The following TTLL11 variants were observed in gnomAD, a reference collection of about 807,000 sequenced individuals.
The protein encoded by TTLL11 is tubulin tyrosine ligase like 11.
TTLL11 carries 42 observed loss-of-function variants against 51.7 expected under a neutral mutation model. The ratio of observed to expected loss-of-function variants is 0.81; its 90% CI spans 0.64 to 1.05. The LOEUF (loss-of-function observed/expected upper bound fraction) is 1.05. Ranked by LOEUF, TTLL11 falls within the 50% of genes least tolerant of loss-of-function variation. The pLI, the probability that TTLL11 is intolerant of heterozygous loss-of-function variation, is 0.00. For synonymous variants in TTLL11, 381 were observed against 383.5 expected (o/e 0.99, Z 0.08); for missense variants, 799 against 940.4 (o/e 0.85, Z 1.97).
chr9:121,899,370 T>TATATAC (rs1431975501), intron 6 of TTLL11, among the ~76,000 whole-genome samples: 209 of 69,964 alleles, frequency 3.0e-3, no homozygotes, highest in African/African-American at 9.0e-3. Context: ...TGTGTGTATA[T>TATATAC]ATATATACAT....
intron 6 of TTLL11, among the ~76,000 whole-genome samples, chr9:121,871,591 A>G (rs1180919284): frequency 6.6e-6 from 1 of 152,074 alleles, no homozygotes; most frequent in African/African-American, 2.4e-5. Flanking sequence ...CCATCCATAG[A>G]TCCATCCTTC....
chr9:121,985,079 G>C (rs1416462274), intron 4 of TTLL11, among the ~76,000 whole-genome samples: 1 of 152,166 alleles, frequency 6.6e-6, no homozygotes, highest in Non-Finnish European at 1.5e-5. Flanking sequence ...TTCCCAAGTA[G>C]TTATTGTGGC....
intron 6 of TTLL11, among the ~76,000 whole-genome samples, chr9:121,882,296 C>T (rs1422209683): frequency 6.6e-6 from 1 of 152,158 alleles, no homozygotes; most frequent in Non-Finnish European, 1.5e-5. Context: ...GCGCCCTGGC[C>T]TGGCAGAGCG....
intron 6 of TTLL11, among the ~76,000 whole-genome samples, chr9:121,942,748 T>C (rs897608156): frequency 1.4e-5 from 2 of 147,818 alleles, no homozygotes; most frequent in Non-Finnish European, 3.0e-5. Flanking sequence ...ATTTTTTTTT[T>C]TTTTTTTTTT....
intron 6 of TTLL11, among the ~76,000 whole-genome samples, chr9:121,916,968 A>G (rs1212093864): frequency 6.6e-6 from 1 of 152,128 alleles, no homozygotes; most frequent in Admixed American, 6.5e-5. Context: ...AACATATTAC[A>G]TTCTGTTTAG....
intron 8 of TTLL11, among the ~76,000 whole-genome samples, chr9:121,829,321 T>C (rs895265247): frequency 6.6e-6 from 1 of 152,024 alleles, no homozygotes; most frequent in Non-Finnish European, 1.5e-5. Flanking sequence ...ACAAAGCACA[T>C]GAATGGGCAA....
chr9:121,829,841 C>G (rs1836945081), intron 8 of TTLL11, among the ~76,000 whole-genome samples: 1 of 151,720 alleles, frequency 6.6e-6, no homozygotes, highest in Non-Finnish European at 1.5e-5. Flanking sequence ...TTTAAAAATA[C>G]CCCCAACCTA....
At chr9:121,887,884 C>T (rs1427414794) in intron 6 of TTLL11, among the ~76,000 whole-genome samples, 2 of 152,116 alleles carry the variant, frequency 1.3e-5, no homozygotes, top group African/African-American at 4.8e-5. Flanking sequence ...GCTTGGAAGT[C>T]AGGCCTGAAC....
intron 3 of TTLL11, among the ~76,000 whole-genome samples, chr9:121,990,533 C>T (rs1327858082): frequency 6.6e-6 from 1 of 152,174 alleles, no homozygotes; most frequent in Non-Finnish European, 1.5e-5. Context: ...GACTGAAGCC[C>T]TTGGACCTTC....
chr9:121,849,708 C>G (rs1463866481), intron 8 of TTLL11, among the ~76,000 whole-genome samples: 1 of 152,110 alleles, frequency 6.6e-6, no homozygotes, highest in African/African-American at 2.4e-5. Flanking sequence ...GCACTATATA[C>G]CTATCAAAAT....
Position 121,822,497 on chromosome 9 carries a change from C to T in TTLL11, c.*90G>A. The T allele has an allele frequency of 7.9e-7, 1 of 1,270,176 alleles. No homozygotes were observed. The highest frequency in any genetic ancestry group is 1.0e-6 in the Non-Finnish European group (1 of 958,492). The allele number at this position is 1,270,176 out of a possible 1,614,324, so 78.7% of individuals were successfully genotyped here. On this transcript the variant is annotated 3_prime_UTR_variant, in exon 9 of 9. Coordinates refer to ENST00000321582, the MANE Select transcript of TTLL11 (RefSeq NM_001139442.2). The surrounding 1 kb of genome is among the most constrained non-coding windows in gnomAD (Gnocchi z 5.8). ...CTCAGCTGGGCCCCTCGGCAGCCTG[C>T]CTGCCATTCCTCTGCAGGCAGAATG...
chr9:121,899,770 G>A (rs1003119627), intron 6 of TTLL11, among the ~76,000 whole-genome samples: 2 of 151,986 alleles, frequency 1.3e-5, no homozygotes, highest in Non-Finnish European at 2.9e-5. Context: ...CCACTAGAAC[G>A]TAAGCTCCAT....
intron 3 of TTLL11, among the ~76,000 whole-genome samples, chr9:121,996,324 G>T (rs1211590028): frequency 1.3e-5 from 2 of 152,136 alleles, no homozygotes; most frequent in African/African-American, 4.8e-5. Flanking sequence ...CCCTTGGGAA[G>T]TTCCCTCTGA....
intron 1 of TTLL11, among the ~76,000 whole-genome samples, chr9:122,040,853 T>C (rs1368650153): frequency 6.6e-6 from 1 of 152,268 alleles, no homozygotes; most frequent in Non-Finnish European, 1.5e-5. Context: ...TTTCTTTTTA[T>C]GCAATGGGCT....
intron 1 of TTLL11, among the ~76,000 whole-genome samples, chr9:122,073,969 T>C (rs1053084346): frequency 1.3e-5 from 2 of 152,212 alleles, no homozygotes; most frequent in Admixed American, 6.5e-5. Context: ...TTTTAAGTCA[T>C]GTACAAGAGT....
chr9:121,905,199 G>T (rs1839900599), intron 6 of TTLL11, among the ~76,000 whole-genome samples: 2 of 152,094 alleles, frequency 1.3e-5, no homozygotes, highest in Non-Finnish European at 2.9e-5. Context: ...ATATAGGCAA[G>T]AGAACAAAAC....
chr9:121,932,193 A>G (rs1841012069), intron 6 of TTLL11, among the ~76,000 whole-genome samples: 1 of 147,962 alleles, frequency 6.8e-6, no homozygotes, highest in African/African-American at 2.5e-5. Context: ...TGTCTCTGCC[A>G]CATCCCAGGA....
At chr9:122,009,484 C>T (rs7027213) in intron 3 of TTLL11, among the ~76,000 whole-genome samples, 65,640 of 151,332 alleles carry the variant, frequency 0.43, 16,131 homozygotes, top group African/African-American at 0.67. Context: ...TAAATATTTA[C>T]CTGTACATTA....
Position 121,895,327 on chromosome 9 carries a change from CAG to C in TTLL11, c.1482-24581_1482-24580del, listed in dbSNP as rs951844856. 6.0e-5 allele frequency among the ~76,000 whole-genome samples: 9 copies of C among 149,684 alleles called. No homozygotes were observed. In the South Asian group the frequency reaches 8.9e-4, roughly 15 times the overall value. On this transcript the variant is annotated intron_variant, in intron 6 of 8. Transcript: ENST00000321582. ...GTGTTTGTGTATGTGAGTGTGTGCA[CAG>C]AGTTGTGTTTGTGTGGCTGTGTGCG...
Sources: gnomAD v4.1 joint callset for allele counts (sites outside exome capture counted in the v4.1 genomes callset) on GRCh38, gnomAD v4.1.1 for gene constraint, Gnocchi (gnomAD v3.1) non-coding constraint, MANE v1.5 for transcripts, NCBI Gene and HGNC (gene_info 2026-07-23, HGNC 2026-07-21) for gene names.